MBOAT1: variants seen among roughly 807,000 people sequenced by gnomAD.
MBOAT1 encodes the protein membrane-bound glycerophospholipid O-acyltransferase 1.
MBOAT1 carries 67 observed loss-of-function variants against 64.4 expected under a neutral mutation model. The ratio of observed to expected loss-of-function variants is 1.04; its 90% confidence interval spans 0.85 to 1.27. MBOAT1 has a LOEUF of 1.27. MBOAT1 is among the 50% of genes most tolerant of loss of function. MBOAT1 has a pLI of 0.00. For synonymous variants in MBOAT1, 229 were observed against 218.9 expected (o/e 1.05, Z -0.41); for missense variants, 563 against 604.6 (o/e 0.93, Z 0.72).
chr6:20,128,121 CCCCA>C (rs1760715284), intron 6 of MBOAT1, among the ~76,000 whole-genome samples: 1 of 151,960 alleles, frequency 6.6e-6, no homozygotes. Context: ...CGATGTGCTA[CCCCA>C]CATGCCATCT....
At chr6:20,172,917 G>A (rs1447461696) in intron 1 of MBOAT1, among the ~76,000 whole-genome samples, 1 of 151,906 alleles carries the variant, frequency 6.6e-6, no homozygotes, top group African/African-American at 2.4e-5. Flanking sequence ...GGCCTGGTGG[G>A]AGGTGGCTGG....
Position 20,151,169 on chromosome 6 carries a change from A to G in MBOAT1, c.323+16T>C, listed in dbSNP as rs1290611238. On this transcript the variant is annotated intron_variant, in intron 3 of 12. Coordinates refer to ENST00000324607, the MANE Select transcript of MBOAT1 (RefSeq NM_001080480.3). ...AAGAAAATCTCACCTTGCATTGTTCATTCCCAGTATCTTACCTGTGAATAT... is the reference window on the plus strand; with the variant it reads ...AAGAAAATCTCACCTTGCATTGTTCGTTCCCAGTATCTTACCTGTGAATAT... 1.3e-6 allele frequency: 2 copies of G among 1,581,284 alleles called. No homozygotes were observed. The highest frequency in any genetic ancestry group is 8.7e-7 in the Non-Finnish European group (1 of 1,152,206).
At chr6:20,124,158 T>C (rs1561751682) in intron 8 of MBOAT1, among the ~76,000 whole-genome samples, 1 of 152,200 alleles carries the variant, frequency 6.6e-6, no homozygotes, top group Admixed American at 6.5e-5. Flanking sequence ...CTTCCAAGTT[T>C]TGACATCTGC....
At chr6:20,205,903 GC>G (rs138376746) in intron 1 of MBOAT1, among the ~76,000 whole-genome samples, 3,004 of 152,162 alleles carry the variant, frequency 0.02, 64 homozygotes, top group African/African-American at 0.052. Flanking sequence ...CCCTAGGGGG[GC>G]CACCCTACCT....
intron 4 of MBOAT1, among the ~76,000 whole-genome samples, chr6:20,135,998 C>T (rs1760979812): frequency 6.6e-6 from 1 of 152,198 alleles, no homozygotes; most frequent in Non-Finnish European, 1.5e-5. Flanking sequence ...GCAGCATTTC[C>T]TCACCTCTCT....
At chr6:20,188,058 T>C (rs1203677288) in intron 1 of MBOAT1, among the ~76,000 whole-genome samples, 1 of 152,124 alleles carries the variant, frequency 6.6e-6, no homozygotes, top group Non-Finnish European at 1.5e-5. Flanking sequence ...GTTACAGCAC[T>C]ATATGGATCA....
intron 12 of MBOAT1, among the ~76,000 whole-genome samples, chr6:20,104,670 CA>C (rs1400305172): frequency 6.6e-6 from 1 of 152,216 alleles, no homozygotes. Flanking sequence ...GAGGAAAGCA[CA>C]ATTGATTTAT....
At chr6:20,201,702 T>C (rs1763127914) in intron 1 of MBOAT1, among the ~76,000 whole-genome samples, 1 of 151,756 alleles carries the variant, frequency 6.6e-6, no homozygotes, top group African/African-American at 2.4e-5. Flanking sequence ...TGCCTCAGCC[T>C]CCCGAGTAGC....
At chr6:20,123,757 A>G (rs538619532) in intron 8 of MBOAT1, among the ~76,000 whole-genome samples, 53 of 152,314 alleles carry the variant, frequency 3.5e-4, no homozygotes, top group Admixed American at 5.2e-4. Context: ...CAGAAAAACT[A>G]CAAAAAAGCC....
intron 1 of MBOAT1, among the ~76,000 whole-genome samples, chr6:20,171,596 G>A (rs550782591): frequency 3.3e-5 from 5 of 152,084 alleles, no homozygotes; most frequent in South Asian, 2.1e-4. Context: ...TTTCATGTAC[G>A]TCTATTGGAA....
chr6:20,133,434 T>C (rs181802659), intron 4 of MBOAT1, among the ~76,000 whole-genome samples: 19 of 152,196 alleles, frequency 1.2e-4, no homozygotes, highest in Non-Finnish European at 2.2e-4. Flanking sequence ...ACCCATAACA[T>C]GTAACACATG....
At chr6:20,161,498 G>A (rs1002583791) in intron 1 of MBOAT1, among the ~76,000 whole-genome samples, 1 of 151,976 alleles carries the variant, frequency 6.6e-6, no homozygotes, top group Non-Finnish European at 1.5e-5. Flanking sequence ...AAAAAGGTTG[G>A]GGACTGCTGC....
intron 2 of MBOAT1, among the ~76,000 whole-genome samples, chr6:20,152,352 AATAAAT>A (rs1561765711): frequency 1.1e-5 from 1 of 91,946 alleles, no homozygotes; most frequent in Non-Finnish European, 2.4e-5. Context: ...AAAATAAATA[AATAAAT>A]AAATAAATTA....
Position 20,183,895 on chromosome 6 carries a change from A to G in MBOAT1, c.99+28241T>C, listed in dbSNP as rs150534730. Among the ~76,000 whole-genome samples the G allele has an allele frequency of 9.2e-3, 1,403 of 152,338 alleles. 15 individuals carry two copies. Among genetic ancestry groups the G allele is most frequent in the African/African-American group, 0.031 (1,300 of 41,568 alleles). On this transcript the variant is annotated intron_variant, in intron 1 of 12. Transcript: ENST00000324607. ...GCAGGAGGCGAAAGGCACTTCTTAC[A>G]TGGTGGCAGCAAGAGAAAAATGAGG...
At chr6:20,110,405 T>C (rs2113629658) in intron 11 of MBOAT1, among the ~76,000 whole-genome samples, 1 of 151,136 alleles carries the variant, frequency 6.6e-6, no homozygotes, top group Admixed American at 6.6e-5. Context: ...TGTAGAGATG[T>C]GGGTCTCACT....
chr6:20,211,971 C>A (rs1444444713), intron 1 of MBOAT1, 165 bp downstream of exon 1: 2 of 390,322 alleles, frequency 5.1e-6, no homozygotes, highest in Admixed American at 5.3e-5. Flanking sequence ...GAAGGGAAAA[C>A]ACACACACAC....
chr6:20,206,279 T>C (rs1763262944), intron 1 of MBOAT1, among the ~76,000 whole-genome samples: 1 of 152,178 alleles, frequency 6.6e-6, no homozygotes, highest in South Asian at 2.1e-4. Context: ...GTTCAAGTGA[T>C]TCTCTTGCCT....
chr6:20,172,247 A>T (rs995738467), intron 1 of MBOAT1, among the ~76,000 whole-genome samples: 4 of 152,114 alleles, frequency 2.6e-5, no homozygotes, highest in African/African-American at 9.7e-5. Flanking sequence ...AGCCTGGCCA[A>T]CATGGCAAAA....
At chr6:20,151,159 T>C (rs1435270392) in intron 3 of MBOAT1, 26 bp downstream of exon 3, 4 of 1,532,190 alleles carry the variant, frequency 2.6e-6, no homozygotes, top group Non-Finnish European at 1.8e-6. Context: ...AATCTCACCT[T>C]GCATTGTTCA....
Sources: allele counts gnomAD v4.1 joint callset (sites outside exome capture counted in the v4.1 genomes callset), GRCh38; gene constraint gnomAD v4.1.1; transcripts MANE v1.5; gene names NCBI Gene and HGNC (gene_info 2026-07-23, HGNC 2026-07-21).